The following SMC2 variants were observed in gnomAD, a reference collection of about 807,000 sequenced individuals.
The protein encoded by SMC2 is structural maintenance of chromosomes protein 2.
A neutral mutation model predicts 142.6 loss-of-function variants in SMC2; 41 were observed. That is an observed-to-expected ratio of 0.29 (90% confidence interval 0.22 to 0.37). SMC2 has a LOEUF of 0.37. Ranked by LOEUF, SMC2 falls within the 10% of genes least tolerant of loss-of-function variation. SMC2 has a pLI of 1.00. For missense variants in SMC2, 1,265 were observed against 1,373.7 expected (o/e 0.92, Z 1.25); for synonymous variants, 463 against 457.5 (o/e 1.01, Z -0.15).
In SMC2 at chr9:104,114,751, T is replaced by C. The variant is rs760019667; in HGVS notation, c.1593T>C (p.Ser531=). 10 of 1,612,996 alleles carry C rather than the reference T, an allele frequency of 6.2e-6. No homozygotes were observed. The highest frequency in any genetic ancestry group is 2.2e-5 in the East Asian group (1 of 44,816). Residue 531 remains serine (S), a synonymous_variant, in exon 13 of 25, where the codon AGT becomes AGC. Transcript: ENST00000374793. ...CVKGLVASLI[S]VKDTSATTAL... ...AAGGACTTGTGGCTTCTCTGATTAG[T>C]GTGAAAGACACTTCTGCAACCACAG...
chr9:104,120,021 T>C lies in SMC2; in HGVS notation c.1997-6T>C, dbSNP rs754320641. 2 of 1,613,776 alleles carry C rather than the reference T, an allele frequency of 1.2e-6. No homozygotes were observed. Among genetic ancestry groups the C allele is most frequent in the Non-Finnish European group, 1.7e-6 (2 of 1,179,826 alleles). ...TGGAAGACCTGTTTCAATTTGCCTCTATCAGGTGCTCGATCCCAGGCAGCT... is the reference window on the plus strand; with the variant it reads ...TGGAAGACCTGTTTCAATTTGCCTCCATCAGGTGCTCGATCCCAGGCAGCT... On this transcript the variant is annotated splice_polypyrimidine_tract_variant and splice_region_variant and intron_variant, in intron 15 of 24. Coordinates refer to ENST00000374793, the MANE Select transcript of SMC2 (RefSeq NM_006444.3).
chr9:104,088,943 TC>T, the SMC2 span, among the ~76,000 whole-genome samples: 1 of 151,598 alleles, frequency 6.6e-6, no homozygotes, highest in African/African-American at 2.4e-5. Context: ...GGGAGCACTT[TC>T]TTTTGTCATT....
chr9:104,094,382 C>G lies in SMC2; in HGVS notation c.-157C>G. On this transcript the variant is annotated 5_prime_UTR_variant, in exon 1 of 25. Coordinates refer to ENST00000374793, the MANE Select transcript of SMC2 (RefSeq NM_006444.3). The stretch of plus-strand genomic sequence containing the variant: ...GTTGTAGCCGCTATGGTGAAGTTCG[C>G]TTTGTAGCGGCCCCGGCTAGAGAGT... 1 of 398,794 alleles carries G rather than the reference C, an allele frequency of 2.5e-6. No individual in the cohort carries two copies. The allele number at this position is 398,794 out of a possible 1,614,324, so 24.7% of individuals were successfully genotyped here.
Position 104,119,886 on chromosome 9 carries a change from G to A in SMC2, c.1997-141G>A, listed in dbSNP as rs73663501. 3.6e-3 allele frequency: 2,850 copies of A among 796,986 alleles called. 78 individuals are homozygous for A. In the African/African-American group the frequency reaches 0.044, roughly 12 times the overall value. 49.4% of individuals were successfully genotyped at this position (796,986 alleles called of 1,614,324 possible). A position where few individuals can be genotyped will look rare whatever the true frequency, so the allele number is the denominator to read the frequency against. On this transcript the variant is annotated intron_variant, in intron 15 of 24. Coordinates refer to ENST00000374793, the MANE Select transcript of SMC2 (RefSeq NM_006444.3). ...TCTGTGTTCTAAGGTTCAGGTGATG[G>A]AATGAATTCCATGGCTTCATAAGCT...
At chr9:104,095,929 A>G (rs1170582479) in intron 2 of SMC2, among the ~76,000 whole-genome samples, 1 of 152,242 alleles carries the variant, frequency 6.6e-6, no homozygotes, top group Non-Finnish European at 1.5e-5. Context: ...ATAGGAAACA[A>G]TTCAATTCAG....
At chr9:104,096,020 C>T in intron 2 of SMC2, 128 bp from the exon 3 acceptor site, 1 of 746,476 alleles carries the variant, frequency 1.3e-6, no homozygotes, top group Non-Finnish European at 2.1e-6. Flanking sequence ...GAGGATGCAG[C>T]TGCCTAACCT....
upstream of SMC2, chr9:104,092,896 G>C (rs961030325): frequency 2.0e-5 from 3 of 152,138 alleles, no homozygotes; most frequent in Non-Finnish European, 4.4e-5. Context: ...CTCCCGAACT[G>C]ACGGTTTTAG....
At position 104,132,840 on chromosome 9, in the gene SMC2, GT is replaced by G. The variant is rs763551994; in HGVS notation, c.3108+728del. 1.5e-3 allele frequency among the ~76,000 whole-genome samples: 214 copies of G among 144,230 alleles called. 1 individual carries two copies. Among genetic ancestry groups the G allele is most frequent in the East Asian group, 0.012 (60 of 4,984 alleles). The allele number at this position is 144,230 out of a possible 152,430, so 94.6% of individuals were successfully genotyped here. On this transcript the variant is annotated intron_variant, in intron 22 of 24. Coordinates refer to ENST00000374793, the MANE Select transcript of SMC2 (RefSeq NM_006444.3). The stretch of plus-strand genomic sequence containing the variant: ...GTCGATTTAACACTGGATCTGAGAG[GT>G]TTTTTTTTTTTTCTTTTTTCCCACC...
chr9:104,095,062 G>A (rs1830306456), intron 1 of SMC2, among the ~76,000 whole-genome samples: 1 of 152,200 alleles, frequency 6.6e-6, no homozygotes, highest in South Asian at 2.1e-4. Flanking sequence ...TGTTTAGGTA[G>A]AGTATGATAA....
chr9:104,128,922 AT>A (rs1249090911), intron 20 of SMC2, among the ~76,000 whole-genome samples: 1 of 152,182 alleles, frequency 6.6e-6, no homozygotes, highest in Non-Finnish European at 1.5e-5. Context: ...GGCTTCCATG[AT>A]TTTTACCAAA....
chr9:104,124,287 ATG>A (rs1271131065), intron 17 of SMC2, among the ~76,000 whole-genome samples: 1 of 152,018 alleles, frequency 6.6e-6, no homozygotes, highest in Non-Finnish European at 1.5e-5. Context: ...AGGTTTTATC[ATG>A]TTGGTCAGGA....
intron 9 of SMC2, among the ~76,000 whole-genome samples, chr9:104,104,689 T>C (rs1185618998): frequency 6.6e-6 from 1 of 152,238 alleles, no homozygotes; most frequent in African/African-American, 2.4e-5. Context: ...GGAGTTGTCC[T>C]GTAGTTTATC....
intron 14 of SMC2, among the ~76,000 whole-genome samples, chr9:104,116,977 A>C (rs1017987894): frequency 2.6e-5 from 4 of 152,366 alleles, no homozygotes; most frequent in South Asian, 2.1e-4. Flanking sequence ...TTCCAAGTAC[A>C]TCAGTTGAAA....
In SMC2 at chr9:104,113,418, G is replaced by A. The variant is rs756153101; in HGVS notation, c.1357G>A (p.Ala453Thr). ...CAGGAAGGATCAAGAAGCTCTAGAA[G>A]CTGTAAAAAGACTTAAAGAAAAACT... The part of the protein sequence containing the change: ...GYRKDQEALE[A>T]VKRLKEKLEA... The change falls in exon 11 of 25, where the codon GCT becomes ACT. Residue 453 changes from alanine (A) to threonine (T), a missense_variant. Ala to Thr is a moderately conservative substitution (Grantham distance 58). Coordinates refer to ENST00000374793, the MANE Select transcript of SMC2 (RefSeq NM_006444.3). The A allele has an allele frequency of 6.8e-6, 11 of 1,608,798 alleles. No homozygotes were observed. The highest frequency in any genetic ancestry group is 1.7e-5 in the Admixed American group (1 of 59,100).
chr9:104,095,364 T>C lies in SMC2; in HGVS notation c.-21T>C, dbSNP rs1268962071. On this transcript the variant is annotated 5_prime_UTR_variant, in exon 2 of 25. Transcript: ENST00000374793. ...TGTTTGATTCCTGTCAGAGGTTTGCTGACCCAAGACAGTATCGAAAATGCA... is the reference window on the plus strand; with the variant it reads ...TGTTTGATTCCTGTCAGAGGTTTGCCGACCCAAGACAGTATCGAAAATGCA... 1 of 1,605,476 alleles carries C rather than the reference T, an allele frequency of 6.2e-7. No individual in the cohort carries two copies. Among genetic ancestry groups the C allele is most frequent in the African/African-American group, 1.3e-5 (1 of 74,718 alleles).
At chr9:104,136,220 T>A (rs1390684333) in intron 23 of SMC2, among the ~76,000 whole-genome samples, 1 of 152,216 alleles carries the variant, frequency 6.6e-6, no homozygotes. Flanking sequence ...TATTGTTCTC[T>A]GTCCTGTAAT....
rs1489338967 is a variant in SMC2 at position 104,114,043 on chromosome 9, T to C, written c.1494T>C (p.Ala498=). 1.3e-6 allele frequency: 2 copies of C among 1,595,098 alleles called. No individual in the cohort carries two copies. The highest frequency in any genetic ancestry group is 1.7e-6 in the Non-Finnish European group (2 of 1,173,526). The change falls in exon 12 of 25, where the codon GCT becomes GCC. Residue 498 remains alanine, a synonymous_variant. Coordinates refer to ENST00000374793, the MANE Select transcript of SMC2 (RefSeq NM_006444.3). ...GTAGATTGAAAGAAACATATGAAGC[T>C]CTATTAGCCAGATTTCCCAATCTTC... is the stretch of plus-strand genomic sequence containing the variant. ...DIGRLKETYE[A]LLARFPNLRF... is the part of the protein sequence containing the mutation.
chr9:104,118,843 A>G (rs540643155), intron 15 of SMC2, among the ~76,000 whole-genome samples: 129 of 152,296 alleles, frequency 8.5e-4, no homozygotes, highest in African/African-American at 3.1e-3. Flanking sequence ...TAATTCGACA[A>G]TGCAGATATA....
upstream of SMC2, chr9:104,094,112 ACTAT>A: frequency 2.9e-6 from 1 of 350,476 alleles, no homozygotes; most frequent in Non-Finnish European, 5.1e-6. Context: ...GTGAACATAC[ACTAT>A]CTGCTCCTGT....
Sources: gnomAD v4.1 joint callset for allele counts (sites outside exome capture counted in the v4.1 genomes callset) on GRCh38, gnomAD v4.1.1 for gene constraint, MANE v1.5 for transcripts, NCBI Gene and HGNC (gene_info 2026-07-23, HGNC 2026-07-21) for gene names.